The following NEGR1 variants were observed in gnomAD, a reference collection of about 807,000 sequenced individuals.
NEGR1 encodes the protein IgLON family member 4.
A neutral mutation model predicts 40.9 loss-of-function variants in NEGR1; 10 were observed. The ratio of observed to expected loss-of-function variants is 0.24; its 90% CI spans 0.15 to 0.42. The LOEUF (loss-of-function observed/expected upper bound fraction) is 0.42, where lower values mean the gene tolerates loss of function less well. NEGR1 is among the 10% of genes least tolerant of loss of function. The pLI is 1.00. For missense variants in NEGR1, 352 were observed against 438.9 expected, an observed-to-expected ratio of 0.80 and a Z score of 1.77; for synonymous variants, 185 against 166.8, an observed-to-expected ratio of 1.11 and a Z score of -0.84.
intron 4 of NEGR1, among the ~76,000 whole-genome samples, chr1:71,631,137 T>C (rs950983106): frequency 6.6e-5 from 10 of 151,952 alleles, no homozygotes; most frequent in African/African-American, 2.4e-4. Flanking sequence ...AAAGTCAAAA[T>C]GCAGTGTCCA....
At chr1:71,831,981 AG>A (rs1241372581) in intron 2 of NEGR1, among the ~76,000 whole-genome samples, 1 of 151,872 alleles carries the variant, frequency 6.6e-6, no homozygotes, top group African/African-American at 2.4e-5. Flanking sequence ...GGGGAGTAAC[AG>A]AATGAAAGTA....
Position 72,153,495 on chromosome 1 carries a change from C to T in NEGR1, c.176+128824G>A, listed in dbSNP as rs190228764. Among the ~76,000 whole-genome samples the T allele has an allele frequency of 4.2e-3, 641 of 151,654 alleles. 5 individuals are homozygous for T. Among genetic ancestry groups the T allele is most frequent in the African/African-American group, 0.015 (610 of 41,398 alleles). On this transcript the variant is annotated intron_variant, in intron 1 of 6. Coordinates refer to ENST00000357731, the MANE Select transcript of NEGR1 (RefSeq NM_173808.3). ...TTATTATCATATGTTTGAATATATA[C>T]AAATTTATATTGTGATTCTGGATGA...
Position 71,770,334 on chromosome 1 carries a change from T to TA in NEGR1, c.535+5837dup, listed in dbSNP as rs1209355040. On this transcript the variant is annotated intron_variant, in intron 3 of 6. Transcript: ENST00000357731. Reference sequence around the variant, plus strand: ...GCTCCGTTCCAGGCTTCTTGTTAGATAAAACCACACAAAATATTTTTTCTA... The same window carrying TA: ...GCTCCGTTCCAGGCTTCTTGTTAGATAAAAACCACACAAAATATTTTTTCTA... Among the ~76,000 whole-genome samples, 4 of 152,208 alleles carry TA rather than the reference T, an allele frequency of 2.6e-5. No homozygotes were observed. In the South Asian group the frequency reaches 8.3e-4, roughly 31 times the overall value.
At chr1:71,749,254 G>A (rs1655490354) in intron 3 of NEGR1, among the ~76,000 whole-genome samples, 1 of 152,116 alleles carries the variant, frequency 6.6e-6, no homozygotes, top group Admixed American at 6.5e-5. Flanking sequence ...TTTAGTTAGT[G>A]TAATCTTGAA....
chr1:71,865,217 G>A (rs1331817668), intron 2 of NEGR1, among the ~76,000 whole-genome samples: 1 of 152,092 alleles, frequency 6.6e-6, no homozygotes, highest in Admixed American at 6.6e-5. Flanking sequence ...CTTCAGTAGA[G>A]CTTTTCTAAC....
intron 1 of NEGR1, among the ~76,000 whole-genome samples, chr1:72,013,803 G>T (rs116694400): frequency 0.029 from 4,414 of 149,802 alleles, 80 homozygotes; most frequent in Middle Eastern, 0.084. Flanking sequence ...TCGCTACCCT[G>T]ACATTTGACA....
intron 6 of NEGR1, among the ~76,000 whole-genome samples, chr1:71,425,087 G>A (rs1162967821): frequency 6.6e-6 from 1 of 152,040 alleles, no homozygotes; most frequent in African/African-American, 2.4e-5. Flanking sequence ...AGGCAGGAAG[G>A]GTTAAAGGGA....
intron 1 of NEGR1, among the ~76,000 whole-genome samples, chr1:72,003,743 T>C (rs1365319282): frequency 6.6e-6 from 1 of 152,156 alleles, no homozygotes; most frequent in Non-Finnish European, 1.5e-5. Flanking sequence ...TGATAGGAAT[T>C]GCACTACAGT....
rs746404948 is a variant in NEGR1 at position 71,592,942 on chromosome 1, A to G, written c.815T>C (p.Ile272Thr). ...GGATCTTGTGCTAAAATTTTGAATA[A>G]TAATTCCTTGTTGGCCATTGAAGAG... ...KKLFNGQQGI[I>T]IQNFSTRSIL... The change falls in exon 6 of 7, where the codon ATT (isoleucine) becomes ACT (threonine). Residue 272 changes from isoleucine (I) to threonine (T), a missense_variant. Physicochemically the swap from Ile to Thr is moderately conservative, Grantham distance 89 (BLOSUM62 -1). This residue lies in a region of NEGR1 where 184 missense variants were observed against 208.7 expected (regional missense o/e 0.88). Transcript: ENST00000357731. 1.2e-6 allele frequency: 2 copies of G among 1,612,076 alleles called. No individual in the cohort carries two copies. The highest frequency in any genetic ancestry group is 1.1e-5 in the South Asian group (1 of 91,010).
chr1:71,927,522 G>A (rs1295611952), intron 2 of NEGR1, among the ~76,000 whole-genome samples: 3 of 152,034 alleles, frequency 2.0e-5, no homozygotes, highest in African/African-American at 4.8e-5. Context: ...CTAAGATCAC[G>A]AATGACACCT....
chr1:71,574,847 C>T (rs916839265), intron 6 of NEGR1, among the ~76,000 whole-genome samples: 1 of 152,154 alleles, frequency 6.6e-6, no homozygotes, highest in Admixed American at 6.5e-5. Context: ...TAATTAACTT[C>T]TCATTGAACT....
At chr1:72,088,796 C>CTTTTTTTTTTTTTTT (rs71074816) in intron 1 of NEGR1, among the ~76,000 whole-genome samples, 7 of 74,920 alleles carry the variant, frequency 9.3e-5, no homozygotes, top group African/African-American at 2.8e-4. Context: ...CTCTCTCTCT[C>CTTTTTTTTTTTTTTT]TTTTTTTTTT....
intron 1 of NEGR1, among the ~76,000 whole-genome samples, chr1:72,211,545 C>G (rs1264167458): frequency 6.6e-6 from 1 of 151,182 alleles, no homozygotes; most frequent in Non-Finnish European, 1.5e-5. Context: ...CAGCTGTCTT[C>G]TATTAATTCA....
At chr1:72,242,489 T>G (rs1166736063) in intron 1 of NEGR1, among the ~76,000 whole-genome samples, 1 of 151,666 alleles carries the variant, frequency 6.6e-6, no homozygotes, top group African/African-American at 2.4e-5. Context: ...AAATATCTCT[T>G]GACTGATTTT....
intron 6 of NEGR1, among the ~76,000 whole-genome samples, chr1:71,456,798 T>C (rs1171773557): frequency 6.6e-6 from 1 of 152,214 alleles, no homozygotes; most frequent in Non-Finnish European, 1.5e-5. Flanking sequence ...GCTAAGTCAA[T>C]TTCTTTTTTT....
intron 4 of NEGR1, among the ~76,000 whole-genome samples, chr1:71,658,217 A>G (rs1651937481): frequency 1.3e-5 from 2 of 152,144 alleles, no homozygotes; most frequent in Non-Finnish European, 1.5e-5. Context: ...AATCCAAAAT[A>G]CTCAGCATAG....
intron 6 of NEGR1, among the ~76,000 whole-genome samples, chr1:71,479,289 C>A (rs946785888): frequency 6.6e-6 from 1 of 151,944 alleles, no homozygotes; most frequent in East Asian, 1.9e-4. Context: ...TTCCTACTGA[C>A]TTATTCTTGT....
intron 1 of NEGR1, among the ~76,000 whole-genome samples, chr1:71,952,666 T>A (rs1270190540): frequency 6.6e-6 from 1 of 151,888 alleles, no homozygotes; most frequent in Non-Finnish European, 1.5e-5. Context: ...CTGCCTTTTA[T>A]TGGAAGAAGG....
intron 4 of NEGR1, among the ~76,000 whole-genome samples, chr1:71,643,895 A>G (rs1367658988): frequency 6.6e-6 from 1 of 152,026 alleles, no homozygotes; most frequent in Admixed American, 6.6e-5. Context: ...ATTTAAATGA[A>G]CAATAAACAA....
Sources: gnomAD v4.1 joint callset for allele counts (sites outside exome capture counted in the v4.1 genomes callset) on GRCh38, gnomAD v4.1.1 for gene constraint, gnomAD v4.1.1 regional missense constraint, MANE v1.5 for transcripts, NCBI Gene and HGNC (gene_info 2026-07-23, HGNC 2026-07-21) for gene names.